The following SVIL variants were observed in gnomAD, a reference collection of about 807,000 sequenced individuals.
The protein encoded by SVIL is supervillin, also known as archvillin.
Under a neutral mutation model 240.4 loss-of-function variants are expected in SVIL, and 101 were observed. The ratio of observed to expected loss-of-function variants is 0.42; its 90% CI spans 0.36 to 0.50. SVIL has a LOEUF of 0.50. Ranked by LOEUF, SVIL falls within the 20% of genes least tolerant of loss-of-function variation. The probability of loss-of-function intolerance (pLI) is 0.01; values close to 1 mark genes in which losing one functional copy is unlikely to be tolerated. For synonymous variants in SVIL, 999 were observed against 1,100.0 expected (o/e 0.91, Z 1.82); for missense variants, 2,512 against 2,818.7 (o/e 0.89, Z 2.46).
intron 1 of SVIL, among the ~76,000 whole-genome samples, chr10:29,573,189 T>C (rs1039695213): frequency 2.0e-5 from 3 of 152,266 alleles, no homozygotes; most frequent in South Asian, 4.1e-4. Context: ...ATCATTTGTT[T>C]TTCAGCTCTT....
At chr10:29,733,891 A>T (rs1010843419) in intron 1 of SVIL, among the ~76,000 whole-genome samples, 1 of 152,248 alleles carries the variant, frequency 6.6e-6, no homozygotes, top group African/African-American at 2.4e-5. Context: ...GTTGTATAAA[A>T]GTTGTGGATA....
chr10:29,593,931 G>C (rs1956482991), intron 1 of SVIL, among the ~76,000 whole-genome samples: 1 of 152,116 alleles, frequency 6.6e-6, no homozygotes, highest in South Asian at 2.1e-4. Flanking sequence ...AGGGGAGGGA[G>C]GAATACATAG....
At chr10:29,639,071 G>GAA (rs1564727319), upstream of SVIL, among the ~76,000 whole-genome samples, 3 of 151,926 alleles carry the variant, frequency 2.0e-5, no homozygotes, top group East Asian at 3.9e-4. Flanking sequence ...CTGGGATAAC[G>GAA]AAAGTGTGTC....
rs148132418 is a variant in SVIL at position 29,647,624 on chromosome 10, G to GGGGTGTGTGTGT, written c.-201+10344_-201+10345insACACACACACCC. On this transcript the variant is annotated intron_variant, in intron 3 of 35. Coordinates refer to the SVIL transcript ENST00000375400. ...ACTACCCATTTTTAATGCAAATATA[G>GGGGTGTGTGTGT]GTGTGTGTGTGTTTGTGTGTGTGTG... is the stretch of plus-strand genomic sequence containing the variant. Among the ~76,000 whole-genome samples, 1,226 of 151,666 alleles carry GGGGTGTGTGTGT rather than the reference G, an allele frequency of 8.1e-3. 11 individuals carry two copies. Among genetic ancestry groups the GGGGTGTGTGTGT allele is most frequent in the Middle Eastern group, 0.027 (8 of 292 alleles).
intron 1 of SVIL, among the ~76,000 whole-genome samples, chr10:29,696,907 TCCCTCTGCCCAGCCAGGAGC>T (rs1962091485): frequency 7.9e-5 from 7 of 88,852 alleles, no homozygotes; most frequent in African/African-American, 2.3e-4. Context: ...AAGTGAGGAG[TCCCTCTGCCCAGCCAGGAGC>T]CCCTCTGCCC....
chr10:29,678,326 A>T (rs1960360829), intron 2 of SVIL, among the ~76,000 whole-genome samples: 1 of 151,920 alleles, frequency 6.6e-6, no homozygotes, highest in South Asian at 2.1e-4. Context: ...ATCATCAGGC[A>T]TTAGATTCTC....
intron 33 of SVIL, among the ~76,000 whole-genome samples, chr10:29,467,049 C>T (rs192363913): frequency 5.3e-5 from 8 of 152,240 alleles, no homozygotes; most frequent in Admixed American, 1.3e-4. Context: ...GTTGTACTAA[C>T]GGAGTTACTA....
intron 16 of SVIL, among the ~76,000 whole-genome samples, chr10:29,521,472 C>T (rs1300049217): frequency 2.0e-5 from 3 of 152,110 alleles, no homozygotes; most frequent in Non-Finnish European, 4.4e-5. Context: ...GTTTTCCTAT[C>T]AACTATTCCA....
intron 13 of SVIL, among the ~76,000 whole-genome samples, chr10:29,526,305 C>CTTTTTTTTTTTTTTTTTT (rs36004446): frequency 8.7e-6 from 1 of 115,028 alleles, no homozygotes; most frequent in Non-Finnish European, 1.7e-5. Context: ...TTTTCTCTTT[C>CTTTTTTTTTTTTTTTTTT]TTTTTTTTTT....
At chr10:29,519,245 G>A (rs760965176) in intron 16 of SVIL, among the ~76,000 whole-genome samples, 5 of 152,122 alleles carry the variant, frequency 3.3e-5, no homozygotes, top group Admixed American at 6.5e-5. Context: ...TAGAGCACAC[G>A]GGGTTGGCTG....
At chr10:29,520,917 T>C (rs1237431823) in intron 16 of SVIL, among the ~76,000 whole-genome samples, 1 of 133,986 alleles carries the variant, frequency 7.5e-6, no homozygotes, top group Non-Finnish European at 1.6e-5. Flanking sequence ...ACCATTCCTC[T>C]AAAAAAAAAA....
chr10:29,581,487 G>A (rs1010483888), intron 1 of SVIL, among the ~76,000 whole-genome samples: 1 of 152,228 alleles, frequency 6.6e-6, no homozygotes, highest in Non-Finnish European at 1.5e-5. Context: ...GACCACATAG[G>A]TGGAGATGAA....
At chr10:29,637,061 G>A (rs536070930), upstream of SVIL, among the ~76,000 whole-genome samples, 11 of 152,144 alleles carry the variant, frequency 7.2e-5, no homozygotes, top group Admixed American at 2.6e-4. Flanking sequence ...CTCCCACTTC[G>A]GCCTTCTTAA....
intron 1 of SVIL, among the ~76,000 whole-genome samples, chr10:29,725,624 C>T (rs1202980878): frequency 6.6e-6 from 1 of 152,150 alleles, no homozygotes; most frequent in Non-Finnish European, 1.5e-5. Context: ...TCACCAAGCA[C>T]CATTGAGGGG....
At chr10:29,540,871 G>C (rs1952098573) in intron 6 of SVIL, among the ~76,000 whole-genome samples, 1 of 152,208 alleles carries the variant, frequency 6.6e-6, no homozygotes, top group African/African-American at 2.4e-5. Context: ...AAAGGAGTCA[G>C]GCAGTGGAAG....
At chr10:29,614,687 G>C (rs1957369136) in intron 1 of SVIL, among the ~76,000 whole-genome samples, 1 of 152,136 alleles carries the variant, frequency 6.6e-6, no homozygotes, top group South Asian at 2.1e-4. Context: ...GGGAGGGACA[G>C]CATTAGGAGA....
rs774346299 is a variant in SVIL, at chr10:29,493,292, C to G, written c.3941G>C (p.Ser1314Thr). 3 of 1,614,116 alleles carry G rather than the reference C, an allele frequency of 1.9e-6. No individual in the cohort carries two copies. Among genetic ancestry groups the G allele is most frequent in the Admixed American group, 1.7e-5 (1 of 60,012 alleles). The change falls in exon 21 of 38, where the codon AGC (serine) becomes ACC (threonine). Residue 1314 changes from serine to threonine, a missense_variant. Coordinates refer to ENST00000355867, the MANE Select transcript of SVIL (RefSeq NM_021738.3). ...ACTTCTTGGCATATTATAATCCACGCTGCGGTAAAATTTGGCAAAGGTTTC... is the reference window on the plus strand; with the variant it reads ...ACTTCTTGGCATATTATAATCCACGGTGCGGTAAAATTTGGCAAAGGTTTC... ...DDETFAKFYR[S>T]VDYNMPRSPV...
chr10:29,645,901 A>G (rs530701456), intron 3 of SVIL, among the ~76,000 whole-genome samples: 19 of 152,316 alleles, frequency 1.2e-4, no homozygotes, highest in African/African-American at 4.6e-4. Flanking sequence ...GAAGAGAGAA[A>G]ATAAATAAGC....
Position 29,593,757 on chromosome 10 carries a change from C to T in SVIL, c.-200-24445G>A, listed in dbSNP as rs1956477496. Among the ~76,000 whole-genome samples the T allele has an allele frequency of 2.0e-5, 3 of 152,288 alleles. 1 individual carries two copies. The South Asian group carries it at 6.2e-4, about 32-fold the overall frequency. On this transcript the variant is annotated intron_variant, in intron 1 of 37. Transcript: ENST00000355867. ...TTAAGAAATAGTCAATAAATCAATC[C>T]TATAATTTTTCATAAGGAAAATAAT...
Sources: allele counts gnomAD v4.1 joint callset (sites outside exome capture counted in the v4.1 genomes callset), GRCh38; gene constraint gnomAD v4.1.1; transcripts MANE v1.5; gene names NCBI Gene and HGNC (gene_info 2026-07-23, HGNC 2026-07-21).